NCALD: variants seen among roughly 807,000 people sequenced by gnomAD.
NCALD encodes neurocalcin delta.
NCALD carries 10 observed loss-of-function variants against 18.6 expected under a neutral mutation model. The observed-to-expected ratio is 0.54, with a 90% CI of 0.33 to 0.91. The LOEUF (loss-of-function observed/expected upper bound fraction) is 0.91. Among genes scored for constraint, NCALD ranks in the 40% least tolerant of loss-of-function variants. NCALD has a pLI of 0.03. For missense variants in NCALD, 184 were observed against 247.6 expected, an observed-to-expected ratio of 0.74 and a Z score of 1.72; for synonymous variants, 88 against 87.4, an observed-to-expected ratio of 1.01 and a Z score of -0.04.
At chr8:102,072,071 AC>A (rs1232001921) in intron 1 of NCALD, among the ~76,000 whole-genome samples, 2 of 146,282 alleles carry the variant, frequency 1.4e-5, no homozygotes, top group African/African-American at 5.3e-5. Context: ...AGACTTCAAG[AC>A]CTACTATAAA....
At chr8:101,810,671 G>T (rs919912157) in intron 4 of NCALD, among the ~76,000 whole-genome samples, 10 of 151,982 alleles carry the variant, frequency 6.6e-5, no homozygotes, top group Admixed American at 4.6e-4. Context: ...AGAGGAAATA[G>T]GACATTAGTT....
At chr8:101,862,711 C>T (rs978074535) in intron 4 of NCALD, among the ~76,000 whole-genome samples, 1 of 152,176 alleles carries the variant, frequency 6.6e-6, no homozygotes, top group African/African-American at 2.4e-5. Context: ...CTAACAGGGA[C>T]AAATAGAAAA....
chr8:101,804,399 T>C lies in NCALD; in HGVS notation c.-20+82742A>G, dbSNP rs868435476. Among the ~76,000 whole-genome samples, 628 of 136,396 alleles carry C rather than the reference T, an allele frequency of 4.6e-3. 9 individuals are homozygous for C. Among genetic ancestry groups the C allele is most frequent in the African/African-American group, 0.015 (545 of 36,684 alleles). 89.5% of individuals were successfully genotyped at this position (136,396 alleles called of 152,430 possible). A position where few individuals can be genotyped will look rare whatever the true frequency, so the allele number is the denominator to read the frequency against. ...ATATGTTACTATATATAGAAATATA[T>C]ATATTTCTAAATATATACTATTTAT... On this transcript the variant is annotated intron_variant, in intron 4 of 6. Transcript: ENST00000311028.
chr8:101,698,241 TC>T (rs1815094698), intron 2 of NCALD, among the ~76,000 whole-genome samples: 1 of 152,150 alleles, frequency 6.6e-6, no homozygotes, highest in Non-Finnish European at 1.5e-5. Flanking sequence ...GTGAAAGATC[TC>T]TTCAAGGAGA....
chr8:102,078,290 T>A (rs1824413829), intron 1 of NCALD, among the ~76,000 whole-genome samples: 1 of 152,286 alleles, frequency 6.6e-6, no homozygotes, highest in East Asian at 1.9e-4. Context: ...CCAGCTGCCA[T>A]CACCTCTCAA....
intron 2 of NCALD, among the ~76,000 whole-genome samples, chr8:101,982,174 T>C (rs1820644167): frequency 3.3e-5 from 5 of 152,178 alleles, no homozygotes; most frequent in Admixed American, 3.3e-4. Flanking sequence ...CCTTCAGAAA[T>C]GTGAGTCAAA....
In NCALD at chr8:101,871,900, T is replaced by G. The variant is rs1272010398; in HGVS notation, c.-20+15241A>C. 3 of 683,988 alleles carry G rather than the reference T, an allele frequency of 4.4e-6. No individual in the cohort carries two copies. In the African/African-American group the frequency reaches 5.3e-5, roughly 12 times the overall value. The allele number at this position is 683,988 out of a possible 1,614,324, so 42.4% of individuals were successfully genotyped here. A position where few individuals can be genotyped will look rare whatever the true frequency, so the allele number is the denominator to read the frequency against. ...CTGCACTGAAGACAGCAATACACCT[T>G]CAATCGGCTTCTTAGGGTTTTCCTC... On this transcript the variant is annotated intron_variant, in intron 4 of 6. Coordinates refer to the NCALD transcript ENST00000311028.
chr8:102,056,401 C>G (rs918354965), intron 1 of NCALD, among the ~76,000 whole-genome samples: 1 of 152,156 alleles, frequency 6.6e-6, no homozygotes, highest in Non-Finnish European at 1.5e-5. Flanking sequence ...TGCAAAATGG[C>G]GATAATATAT....
chr8:102,056,809 T>C (rs553438448), intron 1 of NCALD, among the ~76,000 whole-genome samples: 14 of 152,380 alleles, frequency 9.2e-5, no homozygotes, highest in African/African-American at 2.6e-4. Context: ...TGAGCAATTC[T>C]CATGGCTCAG....
At chr8:101,712,587 CAAAAAAAAA>C (rs201729096) in intron 2 of NCALD, among the ~76,000 whole-genome samples, 7 of 78,908 alleles carry the variant, frequency 8.9e-5, no homozygotes, top group East Asian at 8.0e-4. Flanking sequence ...AAATGGAAAG[CAAAAAAAAA>C]AAAAAAAAAA....
chr8:101,726,654 A>T (rs749436751), intron 1 of NCALD, among the ~76,000 whole-genome samples: 51 of 152,170 alleles, frequency 3.4e-4, no homozygotes, highest in Non-Finnish European at 6.3e-4. Flanking sequence ...TAACCCTGAG[A>T]TGCCTATTAC....
intron 2 of NCALD, among the ~76,000 whole-genome samples, chr8:102,016,269 C>A (rs1822081054): frequency 6.6e-6 from 1 of 152,134 alleles, no homozygotes; most frequent in African/African-American, 2.4e-5. Context: ...AGATACAAGG[C>A]AAAGGTTGGC....
chr8:101,869,195 T>C (rs1815902171), intron 4 of NCALD, among the ~76,000 whole-genome samples: 1 of 152,224 alleles, frequency 6.6e-6, no homozygotes, highest in Non-Finnish European at 1.5e-5. Flanking sequence ...ACTTTACAAA[T>C]GTGATTAAGT....
intron 1 of NCALD, among the ~76,000 whole-genome samples, chr8:102,064,866 C>T (rs1823954004): frequency 6.6e-6 from 1 of 152,098 alleles, no homozygotes; most frequent in African/African-American, 2.4e-5. Flanking sequence ...GCACTTTGCT[C>T]TTCCCTAGGT....
At chr8:101,826,613 A>G (rs946098642) in intron 4 of NCALD, among the ~76,000 whole-genome samples, 4 of 152,338 alleles carry the variant, frequency 2.6e-5, no homozygotes, top group Middle Eastern at 3.4e-3. Context: ...GGTGATTTGA[A>G]ATCTTTGAAT....
At chr8:101,996,197 T>C (rs1563522285) in intron 2 of NCALD, among the ~76,000 whole-genome samples, 1 of 152,224 alleles carries the variant, frequency 6.6e-6, no homozygotes, top group African/African-American at 2.4e-5. Flanking sequence ...CTGAAGAGAA[T>C]TCTAAATAGA....
At chr8:101,939,401 C>T (rs1818873324) in intron 2 of NCALD, among the ~76,000 whole-genome samples, 1 of 152,162 alleles carries the variant, frequency 6.6e-6, no homozygotes, top group African/African-American at 2.4e-5. Context: ...CACACAGAAG[C>T]CAATTGTACA....
chr8:102,073,253 AT>A (rs1444484762), intron 1 of NCALD, among the ~76,000 whole-genome samples: 2 of 152,202 alleles, frequency 1.3e-5, no homozygotes, highest in Admixed American at 1.3e-4. Flanking sequence ...GTGAGCCAAG[AT>A]CGCGTCACTG....
chr8:102,041,050 A>T (rs1460779105), intron 1 of NCALD, among the ~76,000 whole-genome samples: 1 of 152,144 alleles, frequency 6.6e-6, no homozygotes, highest in Non-Finnish European at 1.5e-5. Context: ...GTCATCTCTC[A>T]CCTATTCTGC....
Sources: gnomAD v4.1 joint callset for allele counts (sites outside exome capture counted in the v4.1 genomes callset) on GRCh38, gnomAD v4.1.1 for gene constraint, MANE v1.5 for transcripts, NCBI Gene and HGNC (gene_info 2026-07-23, HGNC 2026-07-21) for gene names.